NXN: variants seen among roughly 807,000 people sequenced by gnomAD.
NXN encodes the protein nucleoredoxin.
In NXN, 16 loss-of-function variants were observed where a neutral mutation model predicts 48.6. The ratio of observed to expected loss-of-function variants is 0.33; its 90% CI spans 0.22 to 0.50. The LOEUF (loss-of-function observed/expected upper bound fraction) is 0.50. Ranked by LOEUF, NXN falls within the 20% of genes least tolerant of loss-of-function variation. The pLI, the probability that NXN is intolerant of heterozygous loss-of-function variation, is 0.98. For synonymous variants in NXN, 281 were observed against 269.6 expected, an observed-to-expected ratio of 1.04 and a Z score of -0.41; for missense variants, 492 against 605.5, an observed-to-expected ratio of 0.81 and a Z score of 1.97.
intron 5 of NXN, among the ~76,000 whole-genome samples, chr17:806,768 G>A (rs1313655056): frequency 1.3e-5 from 2 of 152,066 alleles, no homozygotes; most frequent in Admixed American, 6.6e-5. Context: ...ACCCTGCTGC[G>A]GCCACCAGCA....
In NXN at chr17:887,189, T is replaced by C. The variant is rs868446384; in HGVS notation, c.361-61111A>G. 1.4e-4 allele frequency among the ~76,000 whole-genome samples: 21 copies of C among 152,094 alleles called. 1 individual carries two copies. Among genetic ancestry groups the C allele is most frequent in the Admixed American group, 3.3e-4 (5 of 15,262 alleles). ...GCCTCAACCTTCCAAAGTGCTGGGA[T>C]TACAGGCGTGAGCCACCGCGCCTGG... is the stretch of plus-strand genomic sequence containing the variant. On this transcript the variant is annotated intron_variant, in intron 1 of 7. Coordinates refer to ENST00000336868, the MANE Select transcript of NXN (RefSeq NM_022463.5).
chr17:810,146 T>C (rs1415561380), intron 5 of NXN, among the ~76,000 whole-genome samples: 12 of 79,640 alleles, frequency 1.5e-4, no homozygotes, highest in African/African-American at 3.0e-4. Flanking sequence ...GTTACGAGTC[T>C]GTGACTGGCG....
intron 1 of NXN, among the ~76,000 whole-genome samples, chr17:871,976 G>C (rs1210623887): frequency 1.3e-5 from 2 of 152,048 alleles, no homozygotes; most frequent in Non-Finnish European, 2.9e-5. Flanking sequence ...GTTATGTGTG[G>C]AATTTCAGAC....
chr17:974,068 T>A (rs1275993404), intron 1 of NXN, among the ~76,000 whole-genome samples: 1 of 150,906 alleles, frequency 6.6e-6, no homozygotes, highest in Admixed American at 6.6e-5. Context: ...ATATACCTCA[T>A]GCCGGGCGCG....
rs60104192 is a variant in NXN at position 942,587 on chromosome 17, T to C, written c.360+36732A>G. Among the ~76,000 whole-genome samples the C allele has an allele frequency of 1.4e-3, 80 of 55,814 alleles. 1 individual carries two copies. Among genetic ancestry groups the C allele is most frequent in the Non-Finnish European group, 1.9e-3 (61 of 32,000 alleles). The allele number at this position is 55,814 out of a possible 152,430, so 36.6% of individuals were successfully genotyped here. Reference sequence around the variant, plus strand: ...CAAGATTCCAGGGTGCAGCCATGAATTCACCAAACACCTTCCTGGATTTCC... The same window carrying C: ...CAAGATTCCAGGGTGCAGCCATGAACTCACCAAACACCTTCCTGGATTTCC... On this transcript the variant is annotated intron_variant, in intron 1 of 7. Coordinates refer to ENST00000336868, the MANE Select transcript of NXN (RefSeq NM_022463.5).
rs950098026 is a variant in NXN, at chr17:849,039, G to A, written c.361-22961C>T. Among the ~76,000 whole-genome samples the A allele has an allele frequency of 2.0e-5, 3 of 152,190 alleles. No individual in the cohort carries two copies. Among genetic ancestry groups the A allele is most frequent in the Non-Finnish European group, 4.4e-5 (3 of 68,036 alleles). On this transcript the variant is annotated intron_variant, in intron 1 of 7. Coordinates refer to ENST00000336868, the MANE Select transcript of NXN (RefSeq NM_022463.5). This position sits in a 1 kb window ranked among gnomAD's most constrained non-coding sequence, Gnocchi z 4.2. ...GATCAAGACAAAGGTCTTCGCCTTC[G>A]AGAAAGGAAGGGAGCCTGTCTGGTA...
chr17:971,705 A>G (rs972144940), intron 1 of NXN, among the ~76,000 whole-genome samples: 6 of 151,168 alleles, frequency 4.0e-5, no homozygotes, highest in South Asian at 2.1e-4. Flanking sequence ...GCGAGACTCC[A>G]TCTCAAAAAA....
chr17:931,284 C>CA (rs1393496940), intron 1 of NXN, among the ~76,000 whole-genome samples: 1 of 134,456 alleles, frequency 7.4e-6, no homozygotes. Flanking sequence ...GAGACTCCAT[C>CA]CAAAAAAAAA....
At chr17:961,450 C>A (rs950201329) in intron 1 of NXN, among the ~76,000 whole-genome samples, 2 of 152,006 alleles carry the variant, frequency 1.3e-5, no homozygotes, top group African/African-American at 2.4e-5. Context: ...ATTTACTTAA[C>A]CCTTCCATGA....
At position 823,535 on chromosome 17, in the gene NXN, G is replaced by A. The variant is rs557386959; in HGVS notation, c.612+97C>T. On this transcript the variant is annotated intron_variant, in intron 3 of 7. Coordinates refer to ENST00000336868, the MANE Select transcript of NXN (RefSeq NM_022463.5). Reference sequence around the variant, plus strand: ...AAGGCCAGAAGGCCGGGAAATTCCTGCCTGGGTGTCTCACCCCCAGAAGCC... The same window carrying A: ...AAGGCCAGAAGGCCGGGAAATTCCTACCTGGGTGTCTCACCCCCAGAAGCC... 2.1e-6 allele frequency: 3 copies of A among 1,405,904 alleles called. No individual in the cohort carries two copies. The African/African-American group carries it at 4.3e-5, about 20-fold the overall frequency. 87.1% of individuals were successfully genotyped at this position (1,405,904 alleles called of 1,614,324 possible).
chr17:817,531 G>A (rs1317222627), intron 5 of NXN, among the ~76,000 whole-genome samples: 3 of 151,984 alleles, frequency 2.0e-5, no homozygotes, highest in African/African-American at 4.8e-5. Flanking sequence ...TTAGCCGGGC[G>A]TGTGGTGGGT....
chr17:851,932 C>T (rs8067653), intron 1 of NXN, among the ~76,000 whole-genome samples: 4,709 of 152,238 alleles, frequency 0.031, 254 homozygotes, highest in African/African-American at 0.11. Context: ...TTAAAGATGG[C>T]GCCACAGCGA....
intron 5 of NXN, among the ~76,000 whole-genome samples, chr17:811,842 C>T (rs1018827982): frequency 1.1e-4 from 16 of 151,680 alleles, no homozygotes; most frequent in African/African-American, 3.9e-4. Context: ...ATTTGGCAGG[C>T]CCCCTTCACT....
At chr17:812,564 TGTGA>T (rs200520584) in intron 5 of NXN, among the ~76,000 whole-genome samples, 3,675 of 152,136 alleles carry the variant, frequency 0.024, 131 homozygotes, top group African/African-American at 0.08. Flanking sequence ...CGAGTGTGTG[TGTGA>T]GTCTGTGTGT....
rs533293237 is a variant in NXN at position 881,429 on chromosome 17, G to A, written c.361-55351C>T. On this transcript the variant is annotated intron_variant, in intron 1 of 7. Transcript: ENST00000336868. ...TTCCATTGAGACGGGGTTTCGCCAT[G>A]TTGCTCAGGCTAGTCTCAAACTCCC... Among the ~76,000 whole-genome samples the A allele has an allele frequency of 1.4e-3, 207 of 152,302 alleles. 1 individual carries two copies. Among genetic ancestry groups the A allele is most frequent in the African/African-American group, 4.9e-3 (202 of 41,572 alleles).
chr17:966,063 C>A (rs1014690180), intron 1 of NXN, among the ~76,000 whole-genome samples: 3 of 151,158 alleles, frequency 2.0e-5, no homozygotes, highest in Admixed American at 6.6e-5. Flanking sequence ...TTGCAGTGAG[C>A]TGAGATGGCA....
intron 1 of NXN, among the ~76,000 whole-genome samples, chr17:901,805 T>C (rs1307930638): frequency 6.6e-6 from 1 of 152,190 alleles, no homozygotes; most frequent in East Asian, 1.9e-4. Flanking sequence ...GTTTAAGTCA[T>C]TCTCCTGCCT....
chr17:955,315 G>GCC (rs1567517968), intron 1 of NXN, among the ~76,000 whole-genome samples: 1 of 151,680 alleles, frequency 6.6e-6, no homozygotes, highest in Non-Finnish European at 1.5e-5. Flanking sequence ...TTACAGGCAT[G>GCC]CGCCACCACA....
intron 1 of NXN, chr17:929,741 G>C (rs557061073): frequency 2.0e-5 from 3 of 152,230 alleles, no homozygotes; most frequent in South Asian, 2.1e-4. Flanking sequence ...AGGTTGCAAA[G>C]CAGCTGGGCT....
Sources: allele counts gnomAD v4.1 joint callset (sites outside exome capture counted in the v4.1 genomes callset), GRCh38; gene constraint gnomAD v4.1.1; non-coding constraint Gnocchi (gnomAD v3.1); transcripts MANE v1.5; gene names NCBI Gene and HGNC (gene_info 2026-07-23, HGNC 2026-07-21).